The following PLEKHG1 variants were observed in gnomAD, a reference collection of about 807,000 sequenced individuals.
PLEKHG1 encodes pleckstrin homology and RhoGEF domain containing G1.
PLEKHG1 carries 44 observed loss-of-function variants against 100.8 expected under a neutral mutation model. The observed-to-expected ratio is 0.44, with a 90% confidence interval of 0.34 to 0.56. The LOEUF (loss-of-function observed/expected upper bound fraction) is 0.56. Among genes scored for constraint, PLEKHG1 ranks in the 20% least tolerant of loss-of-function variants. PLEKHG1 has a pLI of 0.01. For synonymous variants in PLEKHG1, 640 were observed against 662.5 expected (o/e 0.97, Z 0.52); for missense variants, 1,545 against 1,720.9 (o/e 0.90, Z 1.81).
intron 2 of PLEKHG1, among the ~76,000 whole-genome samples, chr6:150,761,108 T>G (rs889012178): frequency 7.0e-6 from 1 of 142,156 alleles, no homozygotes; most frequent in African/African-American, 2.6e-5. Context: ...TCTTTTTTTT[T>G]TTTTTTTTTT....
In PLEKHG1 at chr6:150,828,403, A is replaced by G. The variant is rs987983405; in HGVS notation, c.1471-2179A>G. 1.4e-5 allele frequency: 22 copies of G among 1,570,682 alleles called. No homozygotes were observed. In the African/African-American group the frequency reaches 2.4e-4, roughly 17 times the overall value. ...TGACTGAGGCTACAGCTGCTATCCC[A>G]TGCCGAACTTTCTTGTGACAAATTG... On this transcript the variant is annotated intron_variant, in intron 14 of 15. Coordinates refer to ENST00000358517, the Ensembl canonical transcript of PLEKHG1.
At chr6:150,806,223 C>CTGTTT (rs1787084478) in intron 7 of PLEKHG1, among the ~76,000 whole-genome samples, 1 of 89,764 alleles carries the variant, frequency 1.1e-5, no homozygotes, top group Non-Finnish European at 2.1e-5. Flanking sequence ...TTCCAGGCTG[C>CTGTTT]TTTTTTTTTT....
intron 2 of PLEKHG1, among the ~76,000 whole-genome samples, chr6:150,747,979 C>T (rs1783259617): frequency 6.6e-6 from 1 of 152,142 alleles, no homozygotes; most frequent in Non-Finnish European, 1.5e-5. Flanking sequence ...ACCATCACCA[C>T]CATGCATCTC....
intron 2 of PLEKHG1, among the ~76,000 whole-genome samples, chr6:150,744,583 G>A (rs955241248): frequency 2.6e-5 from 4 of 152,188 alleles, no homozygotes; most frequent in African/African-American, 9.7e-5. Flanking sequence ...TTTCAGAGGT[G>A]GACTTTTAGA....
intron 1 of PLEKHG1, among the ~76,000 whole-genome samples, chr6:150,606,129 G>A (rs1776589410): frequency 6.6e-6 from 1 of 152,158 alleles, no homozygotes; most frequent in South Asian, 2.1e-4. Flanking sequence ...ATTTACTTTG[G>A]TGAAACCTTC....
chr6:150,786,132 C>G (rs919502362), intron 3 of PLEKHG1, among the ~76,000 whole-genome samples: 121 of 152,198 alleles, frequency 8.0e-4, no homozygotes, highest in Non-Finnish European at 3.1e-4. Flanking sequence ...TGACAAACGT[C>G]TGCAAAACTT....
intron 3 of PLEKHG1, among the ~76,000 whole-genome samples, chr6:150,673,214 G>A (rs1779634814): frequency 6.6e-6 from 1 of 152,116 alleles, no homozygotes; most frequent in African/African-American, 2.4e-5. Context: ...AAATCATCAT[G>A]CATACAAGTT....
chr6:150,737,453 G>A (rs182218808), intron 2 of PLEKHG1, among the ~76,000 whole-genome samples: 635 of 151,316 alleles, frequency 4.2e-3, no homozygotes, highest in Non-Finnish European at 6.7e-3. Context: ...CACCGCCCCC[G>A]GCTAATTTTT....
At chr6:150,622,611 C>T (rs1045532760) in intron 1 of PLEKHG1, among the ~76,000 whole-genome samples, 4 of 152,206 alleles carry the variant, frequency 2.6e-5, no homozygotes, top group African/African-American at 9.7e-5. Context: ...CCAGCCTCCC[C>T]CTCCCAGTGT....
At chr6:150,687,190 C>G (rs540512887) in intron 3 of PLEKHG1, among the ~76,000 whole-genome samples, 1 of 152,286 alleles carries the variant, frequency 6.6e-6, no homozygotes, top group South Asian at 2.1e-4. Context: ...CTTCAGTAGT[C>G]ACGTAATACC....
intron 3 of PLEKHG1, among the ~76,000 whole-genome samples, chr6:150,710,054 A>G (rs1781190694): frequency 6.6e-6 from 1 of 152,196 alleles, no homozygotes; most frequent in Non-Finnish European, 1.5e-5. Context: ...AATAGTCATT[A>G]TGAAAACATA....
chr6:150,701,756 CAAAA>C (rs914141334), intron 3 of PLEKHG1, among the ~76,000 whole-genome samples: 1 of 150,062 alleles, frequency 6.7e-6, no homozygotes, highest in South Asian at 2.1e-4. Flanking sequence ...ACTTAAAAAA[CAAAA>C]AAAAGAATAA....
intron 1 of PLEKHG1, among the ~76,000 whole-genome samples, chr6:150,726,495 G>A (rs1271725392): frequency 6.6e-6 from 1 of 151,998 alleles, no homozygotes; most frequent in Non-Finnish European, 1.5e-5. Flanking sequence ...TTTTTTAAAT[G>A]TATAAAAAAG....
chr6:150,641,586 A>G (rs1034645352), intron 2 of PLEKHG1, among the ~76,000 whole-genome samples: 3 of 152,188 alleles, frequency 2.0e-5, no homozygotes, highest in Non-Finnish European at 4.4e-5. Context: ...TTTTTTTAGA[A>G]GTAAAAATGG....
intron 6 of PLEKHG1, among the ~76,000 whole-genome samples, chr6:150,801,438 T>C (rs1786696539): frequency 4.5e-5 from 2 of 44,004 alleles, no homozygotes; most frequent in South Asian, 7.2e-4. Context: ...TTTTCTTTTC[T>C]TTTTTTTTTT....
chr6:150,724,076 G>A (rs1046384836), intron 1 of PLEKHG1, among the ~76,000 whole-genome samples: 48 of 152,184 alleles, frequency 3.2e-4, no homozygotes, highest in African/African-American at 1.1e-3. Flanking sequence ...GGTGCCTCAG[G>A]GCATGTCTAG....
At chr6:150,705,318 C>T (rs767299981) in intron 3 of PLEKHG1, among the ~76,000 whole-genome samples, 16 of 152,242 alleles carry the variant, frequency 1.1e-4, no homozygotes, top group Non-Finnish European at 2.2e-4. Context: ...AATGGTTTAT[C>T]TCATCTTCAG....
intron 3 of PLEKHG1, chr6:150,663,499 C>G (rs1016378411): frequency 9.9e-5 from 15 of 151,078 alleles, no homozygotes; most frequent in African/African-American, 3.6e-4. Flanking sequence ...AGTATATTTG[C>G]AGGAAGAAAG....
At chr6:150,830,827 C>T (rs1190615672) in exon 15 of PLEKHG1, 1 of 1,614,198 alleles carries the variant, frequency 6.2e-7, no homozygotes, top group Non-Finnish European at 8.5e-7. Flanking sequence ...CAGATCTGAA[C>T]TCTACCAGAC....
Sources: gnomAD v4.1 joint callset for allele counts (sites outside exome capture counted in the v4.1 genomes callset) on GRCh38, gnomAD v4.1.1 for gene constraint, MANE v1.5 for transcripts, NCBI Gene and HGNC (gene_info 2026-07-23, HGNC 2026-07-21) for gene names.